PTCHD4: variants seen among roughly 807,000 people sequenced by gnomAD.
PTCHD4 encodes the protein patched domain-containing protein 4.
Under a neutral mutation model 58.1 loss-of-function variants are expected in PTCHD4, and 33 were observed. The observed-to-expected ratio is 0.57, with a 90% CI of 0.43 to 0.76. The LOEUF (loss-of-function observed/expected upper bound fraction) is 0.76, where lower values mean the gene tolerates loss of function less well. PTCHD4 is among the 30% of genes least tolerant of loss of function. The pLI is 0.00. For synonymous variants in PTCHD4, 478 were observed against 409.6 expected, an observed-to-expected ratio of 1.17 and a Z score of -2.02; for missense variants, 1,058 against 1,027.1, an observed-to-expected ratio of 1.03 and a Z score of -0.41.
At chr6:47,939,982 C>G (rs1182868448) in intron 4 of PTCHD4, among the ~76,000 whole-genome samples, 1 of 151,940 alleles carries the variant, frequency 6.6e-6, no homozygotes, top group African/African-American at 2.4e-5. Flanking sequence ...ACAAAGGGAA[C>G]TTTTGGTGAT....
At chr6:47,952,532 T>C (rs759548580) in intron 4 of PTCHD4, among the ~76,000 whole-genome samples, 1 of 152,106 alleles carries the variant, frequency 6.6e-6, no homozygotes, top group African/African-American at 2.4e-5. Flanking sequence ...TATACAATCA[T>C]GTGCTGCATA....
intron 1 of PTCHD4, among the ~76,000 whole-genome samples, chr6:48,078,702 C>G (rs1765104570): frequency 6.6e-6 from 1 of 151,930 alleles, no homozygotes. Context: ...TTACCTTTCT[C>G]TCAGCAGAAA....
At chr6:47,933,265 T>G (rs765450731) in intron 4 of PTCHD4, among the ~76,000 whole-genome samples, 1 of 152,214 alleles carries the variant, frequency 6.6e-6, no homozygotes, top group Non-Finnish European at 1.5e-5. Flanking sequence ...CATAGGTGCT[T>G]TCAATAACTT....
At chr6:48,066,733 T>C (rs1764810882) in intron 3 of PTCHD4, among the ~76,000 whole-genome samples, 1 of 152,032 alleles carries the variant, frequency 6.6e-6, no homozygotes, top group Non-Finnish European at 1.5e-5. Context: ...ATCAAGGGGC[T>C]GCTCAGCTTT....
intron 4 of PTCHD4, among the ~76,000 whole-genome samples, chr6:47,971,118 G>A (rs767608299): frequency 2.0e-5 from 3 of 152,128 alleles, no homozygotes; most frequent in Non-Finnish European, 4.4e-5. Context: ...TTCGAGGAGA[G>A]CCTTGAAGTC....
intron 3 of PTCHD4, among the ~76,000 whole-genome samples, chr6:48,067,872 A>G (rs1228772885): frequency 6.6e-6 from 1 of 151,346 alleles, no homozygotes; most frequent in African/African-American, 2.4e-5. Context: ...GAATTTCTTA[A>G]TATCTAGTCA....
chr6:48,099,170 C>A (rs1765541891), intron 1 of PTCHD4, among the ~76,000 whole-genome samples: 1 of 152,180 alleles, frequency 6.6e-6, no homozygotes, highest in Non-Finnish European at 1.5e-5. Context: ...CTAATGCACA[C>A]TTGGAGAGGG....
chr6:48,098,086 A>G lies in PTCHD4; in HGVS notation c.-970+12963T>C, dbSNP rs1040353057. On this transcript the variant is annotated intron_variant, in intron 1 of 4. Transcript: ENST00000339488. The stretch of plus-strand genomic sequence containing the variant: ...TCCCTTTTTAGTGTTGCCAGCCACA[A>G]TCACCCAAACTGGCATTCCTGGACA... Among the ~76,000 whole-genome samples, 7 of 152,230 alleles carry G rather than the reference A, an allele frequency of 4.6e-5. No individual in the cohort carries two copies. In the East Asian group the frequency reaches 9.7e-4, roughly 21 times the overall value.
intron 4 of PTCHD4, among the ~76,000 whole-genome samples, chr6:47,910,318 G>A (rs987798195): frequency 5.9e-5 from 9 of 152,082 alleles, no homozygotes; most frequent in South Asian, 2.1e-4. Flanking sequence ...TCCACAAGAT[G>A]GAGAATCCAT....
chr6:47,859,162 A>T lies in PTCHD4; in HGVS notation c.*19141T>A, dbSNP rs1763362881. Among the ~76,000 whole-genome samples the T allele has an allele frequency of 6.6e-6, 1 of 152,152 alleles. No homozygotes were observed. The highest frequency in any genetic ancestry group is 1.9e-4 in the East Asian group (1 of 5,148). On this transcript the variant is annotated 3_prime_UTR_variant, in exon 5 of 5. Transcript: ENST00000339488. Reference sequence around the variant, plus strand: ...CCAGCTGAAAATGGCTTGGGGCAGTATCTTTTACTTCTTTAAGCCTGAGAA... The same window carrying T: ...CCAGCTGAAAATGGCTTGGGGCAGTTTCTTTTACTTCTTTAAGCCTGAGAA...
At chr6:48,013,434 T>C (rs867181437) in intron 3 of PTCHD4, among the ~76,000 whole-genome samples, 3 of 150,274 alleles carry the variant, frequency 2.0e-5, no homozygotes, top group African/African-American at 7.3e-5. Context: ...AATTTTCCCA[T>C]CTTTTTCCTT....
chr6:47,925,182 T>C (rs747764927), intron 4 of PTCHD4, among the ~76,000 whole-genome samples: 3 of 104,256 alleles, frequency 2.9e-5, no homozygotes, highest in Non-Finnish European at 5.8e-5. Context: ...ATTATATATA[T>C]GTGTGTGTGT....
intron 4 of PTCHD4, among the ~76,000 whole-genome samples, chr6:47,956,345 G>A (rs1766859503): frequency 6.6e-6 from 1 of 152,176 alleles, no homozygotes; most frequent in Admixed American, 6.5e-5. Flanking sequence ...ATACTATACG[G>A]ATGAAGCACA....
intron 3 of PTCHD4, among the ~76,000 whole-genome samples, chr6:48,023,623 C>T (rs1763143664): frequency 6.6e-6 from 1 of 152,146 alleles, no homozygotes; most frequent in South Asian, 2.1e-4. Context: ...ACAAAACTTC[C>T]AATGGAAATT....
chr6:47,970,653 T>C (rs1335039239), intron 4 of PTCHD4, among the ~76,000 whole-genome samples: 1 of 152,186 alleles, frequency 6.6e-6, no homozygotes, highest in Non-Finnish European at 1.5e-5. Context: ...CTGAAGGTTT[T>C]AGAGGAAACA....
chr6:47,914,006 T>C (rs1765151361), intron 4 of PTCHD4, among the ~76,000 whole-genome samples: 1 of 152,034 alleles, frequency 6.6e-6, no homozygotes, highest in African/African-American at 2.4e-5. Context: ...ATAATAGTGA[T>C]TTTTTTTCTC....
intron 3 of PTCHD4, among the ~76,000 whole-genome samples, chr6:48,030,272 G>C (rs145806169): frequency 6.6e-5 from 10 of 152,134 alleles, no homozygotes; most frequent in Admixed American, 3.9e-4. Context: ...AGAAACAAGG[G>C]TGACTGTAGA....
chr6:47,893,388 G>A (rs1460470536), intron 4 of PTCHD4, among the ~76,000 whole-genome samples: 3 of 152,150 alleles, frequency 2.0e-5, no homozygotes, highest in African/African-American at 7.2e-5. Flanking sequence ...GGTTGTATGT[G>A]TAGCAACTAA....
At chr6:48,015,139 A>G (rs1762824328) in intron 3 of PTCHD4, among the ~76,000 whole-genome samples, 1 of 150,938 alleles carries the variant, frequency 6.6e-6, no homozygotes, top group Admixed American at 6.6e-5. Flanking sequence ...AAGTAAGAAT[A>G]TGACAAGATG....
Sources: allele counts gnomAD v4.1 joint callset (sites outside exome capture counted in the v4.1 genomes callset), GRCh38; gene constraint gnomAD v4.1.1; transcripts MANE v1.5; gene names NCBI Gene and HGNC (gene_info 2026-07-23, HGNC 2026-07-21).